The following HS6ST3 variants were observed in gnomAD, a reference collection of about 807,000 sequenced individuals.
HS6ST3 encodes the protein heparan-sulfate 6-O-sulfotransferase 3.
Under a neutral mutation model 36.7 loss-of-function variants are expected in HS6ST3, and 12 were observed. The observed-to-expected ratio is 0.33, with a 90% CI of 0.21 to 0.53. The LOEUF (loss-of-function observed/expected upper bound fraction) is 0.53. Ranked by LOEUF, HS6ST3 falls within the 20% of genes least tolerant of loss-of-function variation. The probability of loss-of-function intolerance (pLI) is 0.95; values close to 1 mark genes in which losing one functional copy is unlikely to be tolerated. For missense variants in HS6ST3, 584 were observed against 640.9 expected (o/e 0.91, Z 0.96); for synonymous variants, 240 against 257.5 (o/e 0.93, Z 0.65).
intron 1 of HS6ST3, among the ~76,000 whole-genome samples, chr13:96,240,839 C>T (rs1263550129): frequency 6.6e-6 from 1 of 152,180 alleles, no homozygotes; most frequent in Non-Finnish European, 1.5e-5. Context: ...GCATTCCAGG[C>T]AAGGTAGTAT....
chr13:96,565,677 T>A (rs894367774), intron 1 of HS6ST3, among the ~76,000 whole-genome samples: 3 of 152,094 alleles, frequency 2.0e-5, no homozygotes, highest in Admixed American at 1.3e-4. Context: ...AGAAACAAAT[T>A]CAGTGGCTCC....
chr13:96,502,645 C>T lies in HS6ST3; in HGVS notation c.708-329845C>T, dbSNP rs571466417. ...ATACAATATCCCGAAGTAAGAATTC[C>T]GTACAAGTTTATGTAGGTGGCTGTA... On this transcript the variant is annotated intron_variant, in intron 1 of 1. Transcript: ENST00000376705. Among the ~76,000 whole-genome samples the T allele has an allele frequency of 1.0e-3, 159 of 152,226 alleles. 2 individuals carry two copies. The highest frequency in any genetic ancestry group is 3.3e-3 in the African/African-American group (137 of 41,550).
chr13:96,621,897 G>C (rs2056496441), intron 1 of HS6ST3, among the ~76,000 whole-genome samples: 2 of 152,148 alleles, frequency 1.3e-5, no homozygotes, highest in Non-Finnish European at 2.9e-5. Flanking sequence ...ACCAAACAAA[G>C]GAAAAGATAG....
intron 1 of HS6ST3, among the ~76,000 whole-genome samples, chr13:96,338,828 A>G (rs558806037): frequency 2.6e-5 from 4 of 152,296 alleles, no homozygotes; most frequent in Admixed American, 6.5e-5. Context: ...CAGTACCTAC[A>G]TCAATTCCAT....
intron 1 of HS6ST3, among the ~76,000 whole-genome samples, chr13:96,488,804 T>C (rs957399703): frequency 1.3e-5 from 2 of 152,138 alleles, no homozygotes; most frequent in African/African-American, 4.8e-5. Flanking sequence ...TACTTCATTG[T>C]TCCATTCCAT....
intron 1 of HS6ST3, among the ~76,000 whole-genome samples, chr13:96,429,773 G>C (rs2055605554): frequency 6.6e-6 from 1 of 152,188 alleles, no homozygotes; most frequent in African/African-American, 2.4e-5. Context: ...AGGTTCGATA[G>C]AAAATTATAG....
intron 1 of HS6ST3, among the ~76,000 whole-genome samples, chr13:96,310,645 C>G (rs373059333): frequency 1.5e-5 from 2 of 136,004 alleles, no homozygotes; most frequent in East Asian, 2.5e-4. Flanking sequence ...CCCTCCTTCT[C>G]TATGTCCCTC....
intron 1 of HS6ST3, among the ~76,000 whole-genome samples, chr13:96,411,619 G>A (rs943856796): frequency 1.3e-5 from 2 of 152,160 alleles, no homozygotes; most frequent in African/African-American, 4.8e-5. Context: ...GATAGGGGTG[G>A]CACACTCAGA....
At chr13:96,633,346 A>C (rs2056538388) in intron 1 of HS6ST3, among the ~76,000 whole-genome samples, 1 of 152,222 alleles carries the variant, frequency 6.6e-6, no homozygotes, top group Non-Finnish European at 1.5e-5. Context: ...TAAAATTTTT[A>C]GTCACAGAAA....
At chr13:96,600,537 T>C (rs1048291805) in intron 1 of HS6ST3, among the ~76,000 whole-genome samples, 1 of 152,092 alleles carries the variant, frequency 6.6e-6, no homozygotes, top group Non-Finnish European at 1.5e-5. Context: ...TCCCACCTTT[T>C]GACCTTGAGT....
At chr13:96,610,760 T>G (rs2138988349) in intron 1 of HS6ST3, among the ~76,000 whole-genome samples, 1 of 152,160 alleles carries the variant, frequency 6.6e-6, no homozygotes, top group Admixed American at 6.5e-5. Context: ...AGCATATAAC[T>G]TGTAGTTTTC....
Position 96,377,446 on chromosome 13 carries a change from G to T in HS6ST3, c.707+285877G>T, listed in dbSNP as rs190513960. 1.6e-4 allele frequency among the ~76,000 whole-genome samples: 24 copies of T among 152,154 alleles called. No individual in the cohort carries two copies. The East Asian group carries it at 4.2e-3, about 27-fold the overall frequency. ...GAGAATATAGCTTAATTTTAAAAGC[G>T]AAAATACACACAAACATATATATTG... is the stretch of plus-strand genomic sequence containing the variant. On this transcript the variant is annotated intron_variant, in intron 1 of 1. Coordinates refer to ENST00000376705, the MANE Select transcript of HS6ST3 (RefSeq NM_153456.4).
chr13:96,626,512 C>T (rs2056512985), intron 1 of HS6ST3, among the ~76,000 whole-genome samples: 1 of 152,074 alleles, frequency 6.6e-6, no homozygotes, highest in Admixed American at 6.6e-5. Context: ...TCTTATATAA[C>T]ACAATAATAA....
intron 1 of HS6ST3, among the ~76,000 whole-genome samples, chr13:96,734,671 C>A (rs187152726): frequency 6.6e-6 from 1 of 152,286 alleles, no homozygotes; most frequent in East Asian, 1.9e-4. Context: ...ACCAGGCATG[C>A]TTCCTCTCCA....
intron 1 of HS6ST3, among the ~76,000 whole-genome samples, chr13:96,274,842 C>G: frequency 1.0e-4 from 1 of 9,644 alleles, no homozygotes; most frequent in East Asian, 4.8e-3. Context: ...TAGTCCTTCA[C>G]ACACACACAC....
chr13:96,744,075 T>C (rs1876505088), intron 1 of HS6ST3, among the ~76,000 whole-genome samples: 1 of 152,064 alleles, frequency 6.6e-6, no homozygotes, highest in Non-Finnish European at 1.5e-5. Flanking sequence ...TCTCATCTAG[T>C]AAATGCAAGA....
At chr13:96,524,463 C>G (rs1232388206) in intron 1 of HS6ST3, among the ~76,000 whole-genome samples, 1 of 152,198 alleles carries the variant, frequency 6.6e-6, no homozygotes, top group African/African-American at 2.4e-5. Context: ...ACCCTGCCCC[C>G]AGAGGTGGAA....
chr13:96,114,880 C>G (rs899200882), intron 1 of HS6ST3, among the ~76,000 whole-genome samples: 1 of 152,222 alleles, frequency 6.6e-6, no homozygotes, highest in African/African-American at 2.4e-5. Flanking sequence ...ACCATGACTT[C>G]TTTAGTGCAA....
intron 1 of HS6ST3, among the ~76,000 whole-genome samples, chr13:96,749,696 A>T (rs1876652325): frequency 6.6e-6 from 1 of 152,164 alleles, no homozygotes; most frequent in African/African-American, 2.4e-5. Flanking sequence ...AGAGCTAAAG[A>T]TTCAACAAAT....
Sources: gnomAD v4.1 joint callset for allele counts (sites outside exome capture counted in the v4.1 genomes callset) on GRCh38, gnomAD v4.1.1 for gene constraint, MANE v1.5 for transcripts, NCBI Gene and HGNC (gene_info 2026-07-23, HGNC 2026-07-21) for gene names.